EPB41L1: variants seen among roughly 807,000 people sequenced by gnomAD.
EPB41L1 encodes band 4.1-like protein 1.
Under a neutral mutation model 97.8 loss-of-function variants are expected in EPB41L1, and 29 were observed. The ratio of observed to expected loss-of-function variants is 0.30; its 90% CI spans 0.22 to 0.40. EPB41L1 has a LOEUF of 0.40. Among genes scored for constraint, EPB41L1 ranks in the 10% least tolerant of loss-of-function variants. The pLI, the probability that EPB41L1 is intolerant of heterozygous loss-of-function variation, is 1.00. For missense variants in EPB41L1, 812 were observed against 1,162.3 expected (o/e 0.70, Z 4.38); for synonymous variants, 383 against 459.2 (o/e 0.83, Z 2.12).
At chr20:36,185,080 G>A (rs755922186) in intron 6 of EPB41L1, 37 bp from the exon 7 acceptor site, 1 of 1,599,408 alleles carries the variant, frequency 6.3e-7, no homozygotes. Context: ...GGGAGGAGTA[G>A]GGCCCTGTGC....
At chr20:36,123,855 A>C (rs1436348003) in intron 2 of EPB41L1, among the ~76,000 whole-genome samples, 1 of 152,232 alleles carries the variant, frequency 6.6e-6, no homozygotes, top group Admixed American at 6.5e-5. Context: ...TTCAGTGAGC[A>C]CCTATGTGCC....
At chr20:36,130,002 C>T (rs2059133626) in intron 2 of EPB41L1, among the ~76,000 whole-genome samples, 1 of 146,644 alleles carries the variant, frequency 6.8e-6, no homozygotes, top group East Asian at 2.0e-4. Context: ...AGTGCAGTGG[C>T]GTGATCTCAG....
upstream of EPB41L1, chr20:36,152,919 G>T: frequency 2.2e-6 from 1 of 454,490 alleles, no homozygotes; most frequent in South Asian, 1.6e-5. Flanking sequence ...TCGTCCTTCT[G>T]TCAGTCGGCC....
intron 6 of EPB41L1, 91 bp from the exon 7 acceptor site, chr20:36,185,026 A>G (rs1183722976): frequency 1.6e-6 from 2 of 1,259,250 alleles, no homozygotes; most frequent in South Asian, 1.2e-5. Context: ...CTGCTGAGCT[A>G]TGTTCTATTT....
chr20:36,208,189 C>T (rs890987526), intron 14 of EPB41L1: 20 of 316,856 alleles, frequency 6.3e-5, no homozygotes, highest in South Asian at 1.6e-4. Flanking sequence ...GTTCTCCCGC[C>T]TTGGGAAAGT....
intron 1 of EPB41L1, chr20:36,155,218 AGGCCAAG>A (rs1176675249): frequency 4.4e-6 from 2 of 455,702 alleles, no homozygotes; most frequent in Non-Finnish European, 8.8e-6. Flanking sequence ...CCGCCTCCAG[AGGCCAAG>A]GGCTCTTTGG....
At chr20:36,213,089 T>C (rs2063224822) in intron 16 of EPB41L1, among the ~76,000 whole-genome samples, 1 of 152,200 alleles carries the variant, frequency 6.6e-6, no homozygotes, top group Admixed American at 6.5e-5. Flanking sequence ...GCTCTGAGAC[T>C]AACCTTTTCC....
chr20:36,211,174 G>T (rs950727100), intron 15 of EPB41L1, among the ~76,000 whole-genome samples: 2 of 151,826 alleles, frequency 1.3e-5, no homozygotes, highest in African/African-American at 4.8e-5. Flanking sequence ...ATCACCTGAG[G>T]TCAGGAGTTC....
chr20:36,102,374 G>A (rs953611372), intron 1 of EPB41L1, among the ~76,000 whole-genome samples: 4 of 152,168 alleles, frequency 2.6e-5, no homozygotes, highest in Non-Finnish European at 5.9e-5. Flanking sequence ...GTTGTTTTGC[G>A]CAGTTGGAGC....
At chr20:36,160,904 C>T (rs949661037) in intron 1 of EPB41L1, among the ~76,000 whole-genome samples, 4 of 152,116 alleles carry the variant, frequency 2.6e-5, no homozygotes, top group Non-Finnish European at 5.9e-5. Context: ...CTAATTTGGC[C>T]AGCCCCCCTG....
At chr20:36,094,329 G>A (rs193133372) in intron 1 of EPB41L1, among the ~76,000 whole-genome samples, 1 of 152,138 alleles carries the variant, frequency 6.6e-6, no homozygotes, top group African/African-American at 2.4e-5. Context: ...ACCGGGCCAC[G>A]CCATTTTTGA....
upstream of EPB41L1, chr20:36,152,905 A>C (rs1341095090): frequency 1.3e-5 from 6 of 453,180 alleles, no homozygotes; most frequent in Admixed American, 1.4e-4. Context: ...GCCAAGCAGG[A>C]CACTCGTCCT....
intron 2 of EPB41L1, among the ~76,000 whole-genome samples, chr20:36,137,688 C>T (rs964483535): frequency 6.6e-6 from 1 of 152,044 alleles, no homozygotes. Flanking sequence ...CCGTGCCCGT[C>T]TGATTTTGTA....
chr20:36,194,914 AACAACATGCACAC>A (rs2146456834), intron 12 of EPB41L1, among the ~76,000 whole-genome samples: 1 of 152,292 alleles, frequency 6.6e-6, no homozygotes, highest in South Asian at 2.1e-4. Flanking sequence ...CAGATGTGCA[AACAACATGCACAC>A]ACACAGGTGT....
Position 36,188,445 on chromosome 20 carries a change from C to T in EPB41L1, c.972C>T (p.Ile324=). The part of the protein sequence containing the change: ...LRINRFAWPK[I]LKISYKRSNF... ...TCAACCGCTTTGCCTGGCCCAAGATCCTCAAGATCTCCTACAAGAGGAGTA... is the reference window on the plus strand; with the variant it reads ...TCAACCGCTTTGCCTGGCCCAAGATTCTCAAGATCTCCTACAAGAGGAGTA... The change falls in exon 9 of 22, where the codon ATC becomes ATT. Residue 324 remains isoleucine, a synonymous_variant. Transcript: ENST00000338074. The T allele has an allele frequency of 6.2e-7, 1 of 1,613,972 alleles. No homozygotes were observed. Among genetic ancestry groups the T allele is most frequent in the Non-Finnish European group, 8.5e-7 (1 of 1,180,004 alleles).
chr20:36,225,547 G>A (rs2064086120), intron 21 of EPB41L1, among the ~76,000 whole-genome samples: 1 of 152,180 alleles, frequency 6.6e-6, no homozygotes, highest in African/African-American at 2.4e-5. Flanking sequence ...CCAGGGACCT[G>A]GCTCTAAAGC....
chr20:36,205,737 A>G, intron 14 of EPB41L1: 1 of 1,109,502 alleles, frequency 9.0e-7, no homozygotes, highest in Non-Finnish European at 1.2e-6. Context: ...TGCTGTCCCA[A>G]AGTCAAACAT....
intron 21 of EPB41L1, among the ~76,000 whole-genome samples, chr20:36,224,272 AAAT>A (rs2063971921): frequency 2.0e-5 from 3 of 152,238 alleles, no homozygotes; most frequent in African/African-American, 7.2e-5. Context: ...TAAAAAAAGT[AAAT>A]AATCTCAATA....
rs2064398646 is a variant in EPB41L1, at chr20:36,229,648, A to G, written c.*308A>G. The G allele has an allele frequency of 3.5e-6, 1 of 283,492 alleles. No individual in the cohort carries two copies. Among genetic ancestry groups the G allele is most frequent in the Non-Finnish European group, 6.5e-6 (1 of 152,826 alleles). The allele number at this position is 283,492 out of a possible 1,614,324, so 17.6% of individuals were successfully genotyped here. A position where few individuals can be genotyped will look rare whatever the true frequency, so the allele number is the denominator to read the frequency against. On this transcript the variant is annotated 3_prime_UTR_variant, in exon 22 of 22. Coordinates refer to ENST00000338074, the MANE Select transcript of EPB41L1 (RefSeq NM_012156.2). ...TTGAAGAACTGGTGGGATTTTTTTC[A>G]AGAAAAAAAATTATATAATAACTAT...
Sources: allele counts gnomAD v4.1 joint callset (sites outside exome capture counted in the v4.1 genomes callset), GRCh38; gene constraint gnomAD v4.1.1; transcripts MANE v1.5; gene names NCBI Gene and HGNC (gene_info 2026-07-23, HGNC 2026-07-21).